Variants in TSPEAR observed in about 807,000 individuals in gnomAD.
The protein encoded by TSPEAR is thrombospondin type laminin G domain and EAR repeats, also known as thrombospondin-type laminin G domain and EAR repeat-containing protein.
In TSPEAR, 69 loss-of-function variants were observed where a neutral mutation model predicts 71.6. The ratio of observed to expected loss-of-function variants is 0.96; its 90% CI spans 0.79 to 1.18. The LOEUF (loss-of-function observed/expected upper bound fraction) is 1.18. Among genes scored for constraint, TSPEAR ranks in the 50% most tolerant of loss-of-function variants. The pLI is 0.00. For missense variants in TSPEAR, 971 were observed against 894.9 expected, an observed-to-expected ratio of 1.09 and a Z score of -1.09; for synonymous variants, 402 against 387.2, an observed-to-expected ratio of 1.04 and a Z score of -0.45.
intron 9 of TSPEAR, chr21:44,517,915 T>G (rs2052630827): frequency 1.3e-5 from 6 of 467,336 alleles, no homozygotes; most frequent in Non-Finnish European, 2.7e-5. Flanking sequence ...TCTTCAAGCC[T>G]TCTCTGACAA....
At chr21:44,569,439 C>T (rs1191829501) in intron 1 of TSPEAR, among the ~76,000 whole-genome samples, 2 of 152,050 alleles carry the variant, frequency 1.3e-5, no homozygotes, top group Non-Finnish European at 2.9e-5. Flanking sequence ...AGGACGCTGC[C>T]TGGGCCTGGC....
chr21:44,633,861 C>G (rs114986614), intron 1 of TSPEAR, among the ~76,000 whole-genome samples: 3,213 of 151,920 alleles, frequency 0.021, 115 homozygotes, highest in African/African-American at 0.071. Flanking sequence ...CTGGAATTGC[C>G]TATTTCTTTC....
Position 44,601,608 on chromosome 21 carries a change from C to G in TSPEAR, c.83-33603G>C. ...GCTGCGTGCCCGTCCCCTCCTGCTG[C>G]GCCCCCACCTCCTCCTGCCAGGCCA... On this transcript the variant is annotated intron_variant, in intron 1 of 11. Coordinates refer to ENST00000323084, the MANE Select transcript of TSPEAR (RefSeq NM_144991.3). 1.9e-6 allele frequency: 3 copies of G among 1,613,532 alleles called. No homozygotes were observed. The highest frequency in any genetic ancestry group is 2.5e-6 in the Non-Finnish European group (3 of 1,179,728).
intron 2 of TSPEAR, among the ~76,000 whole-genome samples, chr21:44,548,895 T>A (rs1236078913): frequency 3.3e-5 from 5 of 152,048 alleles, no homozygotes; most frequent in Non-Finnish European, 7.4e-5. Flanking sequence ...TGTGGAAAGG[T>A]ATATGGTAGA....
intron 1 of TSPEAR, among the ~76,000 whole-genome samples, chr21:44,652,571 C>T (rs1429106550): frequency 2.6e-5 from 4 of 152,064 alleles, no homozygotes; most frequent in African/African-American, 4.8e-5. Flanking sequence ...TTATGTCTTA[C>T]GAAGGGGGAA....
chr21:44,548,370 G>A (rs587683701), intron 2 of TSPEAR, among the ~76,000 whole-genome samples: 2 of 152,316 alleles, frequency 1.3e-5, no homozygotes, highest in East Asian at 3.9e-4. Flanking sequence ...TTGATTATGT[G>A]TTCCCTTGAC....
intron 3 of TSPEAR, among the ~76,000 whole-genome samples, chr21:44,532,403 G>T (rs781956086): frequency 1.3e-5 from 2 of 152,192 alleles, no homozygotes; most frequent in Non-Finnish European, 2.9e-5. Context: ...GTGGGAAGCT[G>T]CTGCTAGGTC....
Position 44,623,449 on chromosome 21 carries a change from T to C in TSPEAR, c.83-55444A>G, listed in dbSNP as rs1233319558. On this transcript the variant is annotated intron_variant, in intron 1 of 11. Transcript: ENST00000323084. The surrounding 1 kb of genome is among the most constrained non-coding windows in gnomAD (Gnocchi z 4.5). The stretch of plus-strand genomic sequence containing the variant: ...GCCATGTATTTCATTTCTATAAATA[T>C]TTTACAACTTCTAAGACATCTTATA... Among the ~76,000 whole-genome samples, 1 of 152,260 alleles carries C rather than the reference T, an allele frequency of 6.6e-6. No homozygotes were observed. Among genetic ancestry groups the C allele is most frequent in the Non-Finnish European group, 1.5e-5 (1 of 68,040 alleles).
At chr21:44,598,858 G>A (rs1555927926) in intron 1 of TSPEAR, among the ~76,000 whole-genome samples, 5 of 152,060 alleles carry the variant, frequency 3.3e-5, no homozygotes, top group South Asian at 4.1e-4. Context: ...AGGTCTGCTC[G>A]TGTTCAGTTT....
Position 44,529,157 on chromosome 21 carries a change from C to G in TSPEAR, c.791-574G>C, listed in dbSNP as rs587599211. Among the ~76,000 whole-genome samples the G allele has an allele frequency of 1.4e-3, 214 of 152,326 alleles. 1 individual carries two copies. The highest frequency in any genetic ancestry group is 3.4e-3 in the Middle Eastern group (1 of 292). On this transcript the variant is annotated intron_variant, in intron 5 of 11. Transcript: ENST00000323084. Reference sequence around the variant, plus strand: ...CTCCCCTACTTGGTAACCGCTAACCCTGAGGCTCGGGGGCTCGGCTGTTCT... The same window carrying G: ...CTCCCCTACTTGGTAACCGCTAACCGTGAGGCTCGGGGGCTCGGCTGTTCT...
At chr21:44,521,842 G>A (rs373822584) in intron 9 of TSPEAR, 41 bp downstream of exon 9, 3 of 1,573,222 alleles carry the variant, frequency 1.9e-6, no homozygotes, top group Non-Finnish European at 2.6e-6. Context: ...CAGACGCAGT[G>A]GCCAGCAATG....
intron 2 of TSPEAR, among the ~76,000 whole-genome samples, chr21:44,537,300 G>A (rs2053105363): frequency 6.6e-6 from 1 of 152,118 alleles, no homozygotes; most frequent in East Asian, 1.9e-4. Flanking sequence ...AATTATAGCA[G>A]TTTAAAAAAT....
intron 9 of TSPEAR, chr21:44,518,613 T>C (rs1394931288): frequency 4.3e-6 from 2 of 469,248 alleles, no homozygotes; most frequent in Non-Finnish European, 8.9e-6. Context: ...TCACTTGTGG[T>C]GCCTTTCCAT....
At chr21:44,709,865 G>A (rs957906041) in intron 1 of TSPEAR, among the ~76,000 whole-genome samples, 2 of 152,228 alleles carry the variant, frequency 1.3e-5, no homozygotes, top group Admixed American at 6.5e-5. Flanking sequence ...TCTTGGGAGC[G>A]TTCCAAATGC....
intron 2 of TSPEAR, among the ~76,000 whole-genome samples, chr21:44,555,544 G>C (rs1222194224): frequency 6.6e-6 from 1 of 152,218 alleles, no homozygotes; most frequent in African/African-American, 2.4e-5. Context: ...TGGGCACTTG[G>C]CTAGGCCAGC....
intron 1 of TSPEAR, chr21:44,675,789 A>G (rs1986285593): frequency 1.8e-6 from 1 of 551,486 alleles, no homozygotes; most frequent in South Asian, 2.1e-5. Flanking sequence ...CAATTCTGGG[A>G]CCCTTGCGGC....
Position 44,533,871 on chromosome 21 carries a change from A to G in TSPEAR, c.356T>C (p.Leu119Pro). Residue 119 changes from leucine (L) to proline (P), a missense_variant, in exon 3 of 12, where the codon CTC (leucine) becomes CCC (proline). By Grantham distance (98) the Leu-to-Pro change is moderately conservative. Coordinates refer to ENST00000323084, the MANE Select transcript of TSPEAR (RefSeq NM_144991.3). ...VVAEESDLLL[L>P]GLRLSPAQLH... ...CTGGGCAGGTGACAACCGCAGGCCG[A>G]GCAGCAGCAGGTCGCTCTCCTCTGC... 33 of 1,612,112 alleles carry G rather than the reference A, an allele frequency of 2.0e-5. No individual in the cohort carries two copies. Among genetic ancestry groups the G allele is most frequent in the Non-Finnish European group, 2.8e-5 (33 of 1,179,856 alleles).
chr21:44,588,640 TCAA>T (rs1979500152), intron 1 of TSPEAR, among the ~76,000 whole-genome samples: 1 of 149,450 alleles, frequency 6.7e-6, no homozygotes, highest in African/African-American at 2.4e-5. Flanking sequence ...TTCCCATCAA[TCAA>T]CGAGTGGATA....
At chr21:44,592,440 G>T in intron 1 of TSPEAR, 1 of 1,611,024 alleles carries the variant, frequency 6.2e-7, no homozygotes, top group Non-Finnish European at 8.5e-7. Context: ...CGCGGCTGCC[G>T]TAGCTCAGGT....
Sources: gnomAD v4.1 joint callset for allele counts (sites outside exome capture counted in the v4.1 genomes callset) on GRCh38, gnomAD v4.1.1 for gene constraint, Gnocchi (gnomAD v3.1) non-coding constraint, MANE v1.5 for transcripts, NCBI Gene and HGNC (gene_info 2026-07-23, HGNC 2026-07-21) for gene names.